Variants in RBFOX1 observed in about 807,000 individuals in gnomAD.
RBFOX1 encodes RNA binding fox-1 homolog 1, also known as RNA binding protein fox-1 homolog 1.
A neutral mutation model predicts 57.7 loss-of-function variants in RBFOX1; 8 were observed. The ratio of observed to expected loss-of-function variants is 0.14; its 90% CI spans 0.08 to 0.25. The LOEUF is 0.25. RBFOX1 is among the 10% of genes least tolerant of loss of function. The pLI, the probability that RBFOX1 is intolerant of heterozygous loss-of-function variation, is 1.00. For missense variants in RBFOX1, 611 were observed against 548.5 expected, an observed-to-expected ratio of 1.11 and a Z score of -1.14; for synonymous variants, 326 against 222.4, an observed-to-expected ratio of 1.47 and a Z score of -4.15.
chr16:5,879,230 C>G (rs1488449386), intron 4 of RBFOX1, among the ~76,000 whole-genome samples: 1 of 152,206 alleles, frequency 6.6e-6, no homozygotes, highest in Non-Finnish European at 1.5e-5. Context: ...AGAAGGCTTC[C>G]TGAGTTCCAA....
chr16:6,531,993 C>T (rs530048474), intron 2 of RBFOX1, among the ~76,000 whole-genome samples: 1 of 152,150 alleles, frequency 6.6e-6, no homozygotes, highest in Non-Finnish European at 1.5e-5. Flanking sequence ...GGTAGCATGA[C>T]AGGCACCAAG....
chr16:7,269,761 G>A (rs918565316), intron 4 of RBFOX1, among the ~76,000 whole-genome samples: 3 of 151,988 alleles, frequency 2.0e-5, no homozygotes, highest in African/African-American at 4.8e-5. Flanking sequence ...ATATTTCCTT[G>A]GACTAAATGC....
intron 1 of RBFOX1, among the ~76,000 whole-genome samples, chr16:6,112,844 T>C (rs2096461082): frequency 6.6e-6 from 1 of 152,216 alleles, no homozygotes; most frequent in South Asian, 2.1e-4. Flanking sequence ...TAGGATTGAC[T>C]GGTTTGGAAA....
At chr16:5,625,912 T>G (rs1253628916) in intron 3 of RBFOX1, among the ~76,000 whole-genome samples, 1 of 151,792 alleles carries the variant, frequency 6.6e-6, no homozygotes. Context: ...GTTTCACTCT[T>G]GTTGCCCAGG....
At chr16:6,793,386 G>T (rs1468727258) in intron 3 of RBFOX1, among the ~76,000 whole-genome samples, 1 of 152,046 alleles carries the variant, frequency 6.6e-6, no homozygotes, top group Admixed American at 6.6e-5. Flanking sequence ...GACTCTATAG[G>T]TTCACTGCAG....
chr16:6,624,442 A>T (rs1032670199), intron 2 of RBFOX1, among the ~76,000 whole-genome samples: 1 of 152,086 alleles, frequency 6.6e-6, no homozygotes. Flanking sequence ...ATGAGTGGGG[A>T]TGGTGAATCA....
intron 4 of RBFOX1, among the ~76,000 whole-genome samples, chr16:5,998,962 C>T (rs2060538525): frequency 6.6e-6 from 1 of 152,040 alleles, no homozygotes; most frequent in African/African-American, 2.4e-5. Flanking sequence ...ATCTGCATTT[C>T]CCAGTCCAAA....
At chr16:7,340,973 A>G (rs1034435328) in intron 4 of RBFOX1, among the ~76,000 whole-genome samples, 4 of 152,182 alleles carry the variant, frequency 2.6e-5, no homozygotes, top group South Asian at 2.1e-4. Flanking sequence ...TGGAAGACCT[A>G]CGGATTTCAC....
intron 2 of RBFOX1, among the ~76,000 whole-genome samples, chr16:6,531,062 G>A (rs1190647842): frequency 1.3e-5 from 2 of 152,102 alleles, no homozygotes; most frequent in African/African-American, 4.8e-5. Context: ...TAGCAAACTG[G>A]CCCAAGCTCA....
chr16:7,182,517 A>G (rs1195858136), intron 4 of RBFOX1, among the ~76,000 whole-genome samples: 2 of 152,154 alleles, frequency 1.3e-5, no homozygotes, highest in Admixed American at 6.5e-5. Flanking sequence ...TTTATGGTGA[A>G]CTGTTGTTAT....
At chr16:6,853,463 G>T (rs532514819) in intron 3 of RBFOX1, among the ~76,000 whole-genome samples, 4 of 152,098 alleles carry the variant, frequency 2.6e-5, no homozygotes, top group Non-Finnish European at 5.9e-5. Context: ...AAATCATCCT[G>T]ATGGAGGATG....
At position 7,688,352 on chromosome 16, in the gene RBFOX1, T is replaced by A. The variant is rs577247729; in HGVS notation, c.995+11514T>A. 6.1e-4 allele frequency among the ~76,000 whole-genome samples: 92 copies of A among 152,052 alleles called. No individual in the cohort carries two copies. In the South Asian group the frequency reaches 0.017, roughly 28 times the overall value. On this transcript the variant is annotated intron_variant, in intron 14 of 15. Transcript: ENST00000550418. ...AGTGATATCGATCCTGAGATATATT[T>A]AACAATAGCAATGTAACAGAATTAA...
intron 2 of RBFOX1, among the ~76,000 whole-genome samples, chr16:6,373,211 G>C (rs561338591): frequency 1.3e-5 from 2 of 151,920 alleles, no homozygotes; most frequent in Admixed American, 1.3e-4. Context: ...TGTATAGTTG[G>C]ATAGAAGGAT....
intron 3 of RBFOX1, among the ~76,000 whole-genome samples, chr16:6,920,536 A>C (rs2074239295): frequency 6.6e-6 from 1 of 152,238 alleles, no homozygotes; most frequent in African/African-American, 2.4e-5. Context: ...ACAAATGACC[A>C]GCTAGTGGCA....
intron 1 of RBFOX1, among the ~76,000 whole-genome samples, chr16:5,449,125 A>G (rs2068342257): frequency 6.6e-6 from 1 of 152,138 alleles, no homozygotes; most frequent in Admixed American, 6.5e-5. Context: ...GGGGTCCCAG[A>G]CGAGGCTACC....
At chr16:6,849,129 C>T (rs1030634660) in intron 3 of RBFOX1, among the ~76,000 whole-genome samples, 2 of 152,138 alleles carry the variant, frequency 1.3e-5, no homozygotes, top group African/African-American at 4.8e-5. Context: ...TATATATAAT[C>T]ATCCCCAGAG....
chr16:7,076,999 GGT>G (rs1446775602), intron 4 of RBFOX1, among the ~76,000 whole-genome samples: 13 of 152,182 alleles, frequency 8.5e-5, no homozygotes, highest in Admixed American at 8.5e-4. Context: ...ACGCGAGAGA[GGT>G]GGGCAAAGAC....
chr16:6,932,254 C>G (rs150069963), intron 3 of RBFOX1, among the ~76,000 whole-genome samples: 1 of 152,100 alleles, frequency 6.6e-6, no homozygotes, highest in African/African-American at 2.4e-5. Flanking sequence ...CAGGCATGCA[C>G]CACCACACCT....
chr16:5,409,296 C>A (rs919116314), intron 1 of RBFOX1, among the ~76,000 whole-genome samples: 1 of 152,114 alleles, frequency 6.6e-6, no homozygotes, highest in African/African-American at 2.4e-5. Context: ...CCTAGGGGAG[C>A]CCCCCAGGTG....
Sources: gnomAD v4.1 joint callset for allele counts (sites outside exome capture counted in the v4.1 genomes callset) on GRCh38, gnomAD v4.1.1 for gene constraint, MANE v1.5 for transcripts, NCBI Gene and HGNC (gene_info 2026-07-23, HGNC 2026-07-21) for gene names.